Variants in CNTN6 observed in about 807,000 individuals in gnomAD.
The protein encoded by CNTN6 is contactin 6.
Under a neutral mutation model 122.8 loss-of-function variants are expected in CNTN6, and 137 were observed. The observed-to-expected ratio is 1.12, with a 90% CI of 0.97 to 1.29. The LOEUF is 1.29. Ranked by LOEUF, CNTN6 falls within the 50% of genes most tolerant of loss-of-function variation. The pLI is 0.00. For synonymous variants in CNTN6, 570 were observed against 426.0 expected, an observed-to-expected ratio of 1.34 and a Z score of -4.16; for missense variants, 1,634 against 1,223.4, an observed-to-expected ratio of 1.34 and a Z score of -5.01.
At chr3:1,277,277 C>A (rs777035489) in intron 4 of CNTN6, among the ~76,000 whole-genome samples, 1 of 150,492 alleles carries the variant, frequency 6.6e-6, no homozygotes, top group Admixed American at 6.7e-5. Context: ...AAATACCTGC[C>A]TGTTTTATTG....
intron 11 of CNTN6, among the ~76,000 whole-genome samples, chr3:1,334,541 T>C (rs1213845926): frequency 6.6e-6 from 1 of 152,134 alleles, no homozygotes; most frequent in Non-Finnish European, 1.5e-5. Flanking sequence ...GGGTTGAAAT[T>C]GAAAGTTCTA....
At chr3:1,398,374 A>C (rs1010447293) in intron 20 of CNTN6, among the ~76,000 whole-genome samples, 2 of 152,286 alleles carry the variant, frequency 1.3e-5, no homozygotes, top group East Asian at 1.9e-4. Context: ...ATGTAGACTA[A>C]GAGATATTCT....
chr3:1,323,985 C>T (rs1324398173), intron 8 of CNTN6, among the ~76,000 whole-genome samples: 1 of 141,188 alleles, frequency 7.1e-6, no homozygotes, highest in Admixed American at 6.8e-5. Context: ...TATGAGCATG[C>T]ATTTATTTTC....
intron 4 of CNTN6, among the ~76,000 whole-genome samples, chr3:1,250,555 A>G (rs2094648747): frequency 6.6e-6 from 1 of 152,084 alleles, no homozygotes; most frequent in Admixed American, 6.6e-5. Flanking sequence ...TGCTTTTACG[A>G]GGTCTTGACT....
At chr3:1,383,520 TCTAAAG>T (rs1348314042) in intron 19 of CNTN6, 112 bp downstream of exon 19, 1 of 789,148 alleles carries the variant, frequency 1.3e-6, no homozygotes, top group Non-Finnish European at 2.1e-6. Context: ...ATAATGTGTG[TCTAAAG>T]CTAAAGCAGA....
chr3:1,183,997 T>C (rs1304041913), intron 2 of CNTN6, among the ~76,000 whole-genome samples: 1 of 152,184 alleles, frequency 6.6e-6, no homozygotes, highest in African/African-American at 2.4e-5. Flanking sequence ...AAGGCCATTT[T>C]CAGTTCCTTG....
intron 4 of CNTN6, among the ~76,000 whole-genome samples, chr3:1,253,667 C>T (rs1013646527): frequency 2.6e-5 from 4 of 152,144 alleles, no homozygotes; most frequent in African/African-American, 9.7e-5. Flanking sequence ...AGTGCACAAC[C>T]TAGATCCCTC....
intron 12 of CNTN6, among the ~76,000 whole-genome samples, chr3:1,369,802 A>G (rs918935136): frequency 6.6e-6 from 1 of 151,758 alleles, no homozygotes; most frequent in Admixed American, 6.6e-5. Flanking sequence ...CAAAAGGAAA[A>G]TATTTTCTCT....
intron 1 of CNTN6, among the ~76,000 whole-genome samples, chr3:1,146,229 C>G (rs1378171817): frequency 6.6e-6 from 1 of 152,082 alleles, no homozygotes; most frequent in Non-Finnish European, 1.5e-5. Flanking sequence ...ATTAACATGA[C>G]CTAAATGTCT....
intron 1 of CNTN6, among the ~76,000 whole-genome samples, chr3:1,126,027 C>T (rs1478798910): frequency 2.0e-5 from 3 of 151,830 alleles, no homozygotes; most frequent in South Asian, 2.1e-4. Flanking sequence ...CCCCAAAACA[C>T]GCTAGAATCG....
chr3:1,207,847 C>G (rs1559514591), intron 2 of CNTN6, among the ~76,000 whole-genome samples: 1 of 151,918 alleles, frequency 6.6e-6, no homozygotes. Flanking sequence ...TTCATTCTCA[C>G]TGCTCCTCAT....
chr3:1,117,650 C>G (rs1018881341), intron 1 of CNTN6, among the ~76,000 whole-genome samples: 4 of 152,162 alleles, frequency 2.6e-5, no homozygotes, highest in African/African-American at 9.7e-5. Context: ...CCAAGCTTCT[C>G]TCCTTCAAGT....
chr3:1,281,983 TACACACAC>T (rs3836238), intron 5 of CNTN6, among the ~76,000 whole-genome samples: 22 of 149,906 alleles, frequency 1.5e-4, no homozygotes, highest in African/African-American at 4.4e-4. Context: ...TATATAGGTA[TACACACAC>T]ACACACACAC....
At chr3:1,370,122 TA>T (rs1708798805) in intron 12 of CNTN6, among the ~76,000 whole-genome samples, 1 of 151,952 alleles carries the variant, frequency 6.6e-6, no homozygotes, top group African/African-American at 2.4e-5. Flanking sequence ...TAGAATCCAA[TA>T]AGATCCAAAA....
chr3:1,353,738 A>G (rs1706060394), intron 12 of CNTN6, among the ~76,000 whole-genome samples: 1 of 151,638 alleles, frequency 6.6e-6, no homozygotes, highest in Non-Finnish European at 1.5e-5. Flanking sequence ...ATCATTTCAA[A>G]TTAAGAAGGT....
intron 4 of CNTN6, among the ~76,000 whole-genome samples, chr3:1,269,589 C>A (rs78844517): frequency 0.023 from 3,512 of 152,266 alleles, 158 homozygotes; most frequent in African/African-American, 0.081. Context: ...ACTGTTCTTA[C>A]CACCATTTGT....
chr3:1,324,482 T>C (rs1438868942), intron 8 of CNTN6, among the ~76,000 whole-genome samples: 2 of 149,744 alleles, frequency 1.3e-5, no homozygotes, highest in Non-Finnish European at 2.9e-5. Context: ...TTCTGGGTTT[T>C]CTTTGGCTCC....
In CNTN6 at chr3:1,160,365, T is replaced by TATATATATATATATATAC. The variant is rs1486849078; in HGVS notation, c.55+12305_55+12306insTATATATATATATACATA. Among the ~76,000 whole-genome samples the TATATATATATATATATAC allele has an allele frequency of 2.6e-4, 35 of 133,450 alleles. 1 individual carries two copies. Among genetic ancestry groups the TATATATATATATATATAC allele is most frequent in the African/African-American group, 9.8e-4 (34 of 34,578 alleles). The allele number at this position is 133,450 out of a possible 152,430, so 87.5% of individuals were successfully genotyped here. A position where few individuals can be genotyped will look rare whatever the true frequency, so the allele number is the denominator to read the frequency against. ...TACTGTATATATATATATATATATA[T>TATATATATATATATATAC]ATACACACTACCTATATGGTCATTT... On this transcript the variant is annotated intron_variant, in intron 2 of 22. Transcript: ENST00000446702.
At chr3:1,194,777 G>T (rs184161961) in intron 2 of CNTN6, among the ~76,000 whole-genome samples, 1 of 151,992 alleles carries the variant, frequency 6.6e-6, no homozygotes, top group African/African-American at 2.4e-5. Context: ...CACCTCCTTG[G>T]GGGTGATGTC....
Sources: allele counts gnomAD v4.1 joint callset (sites outside exome capture counted in the v4.1 genomes callset), GRCh38; gene constraint gnomAD v4.1.1; transcripts MANE v1.5; gene names NCBI Gene and HGNC (gene_info 2026-07-23, HGNC 2026-07-21).